Variants in PRKAR2A observed in about 807,000 individuals in gnomAD.
PRKAR2A encodes cAMP-dependent protein kinase type II-alpha regulatory subunit.
In PRKAR2A, 29 loss-of-function variants were observed where a neutral mutation model predicts 51.9. The observed-to-expected ratio is 0.56, with a 90% CI of 0.42 to 0.76. PRKAR2A has a LOEUF of 0.76. PRKAR2A is among the 30% of genes least tolerant of loss of function. PRKAR2A has a pLI of 0.00. For synonymous variants in PRKAR2A, 178 were observed against 186.2 expected (o/e 0.96, Z 0.36); for missense variants, 445 against 512.1 (o/e 0.87, Z 1.26).
chr3:48,838,614 AAAAAAGAAAAAAG>A (rs542619375), intron 1 of PRKAR2A, among the ~76,000 whole-genome samples: 2,005 of 151,900 alleles, frequency 0.013, 36 homozygotes, highest in Non-Finnish European at 0.014. Flanking sequence ...CTTTAAAAAA[AAAAAAGAAAAAAG>A]AAAAGAAAAA....
chr3:48,803,727 A>T (rs1038471473), intron 2 of PRKAR2A, among the ~76,000 whole-genome samples: 3 of 152,132 alleles, frequency 2.0e-5, no homozygotes, highest in Non-Finnish European at 4.4e-5. Context: ...TGCCTGGCCT[A>T]AAATTTATTT....
chr3:48,755,701 G>C (rs1337456178), intron 9 of PRKAR2A, among the ~76,000 whole-genome samples: 3 of 150,148 alleles, frequency 2.0e-5, no homozygotes, highest in African/African-American at 7.4e-5. Flanking sequence ...TCAATCTCTT[G>C]GGCTCAAGAG....
chr3:48,841,440 A>C (rs912948564), intron 1 of PRKAR2A, among the ~76,000 whole-genome samples: 1 of 149,178 alleles, frequency 6.7e-6, no homozygotes, highest in Non-Finnish European at 1.5e-5. Context: ...AGCTACTCGG[A>C]AGGCTGAGGT....
chr3:48,839,129 A>C (rs969936323), intron 1 of PRKAR2A, among the ~76,000 whole-genome samples: 2 of 151,854 alleles, frequency 1.3e-5, no homozygotes, highest in Non-Finnish European at 2.9e-5. Context: ...CTCTACTAAA[A>C]ACACAAACAT....
intron 8 of PRKAR2A, among the ~76,000 whole-genome samples, chr3:48,762,063 GAAGAA>G (rs2081870207): frequency 6.6e-6 from 1 of 152,142 alleles, no homozygotes; most frequent in Non-Finnish European, 1.5e-5. Context: ...CAACTACAAA[GAAGAA>G]AAGATGATAA....
chr3:48,816,032 A>C (rs989108299), intron 1 of PRKAR2A, among the ~76,000 whole-genome samples: 2 of 151,538 alleles, frequency 1.3e-5, no homozygotes, highest in Non-Finnish European at 2.9e-5. Flanking sequence ...AAAAAAAAAA[A>C]AAAAAAAGAA....
At chr3:48,828,265 T>C (rs79809452) in intron 1 of PRKAR2A, among the ~76,000 whole-genome samples, 2,860 of 152,210 alleles carry the variant, frequency 0.019, 90 homozygotes, top group African/African-American at 0.064. Context: ...ACAGGCGTGA[T>C]CATGGCCCAC....
chr3:48,825,461 G>A (rs911682493), intron 1 of PRKAR2A, among the ~76,000 whole-genome samples: 42 of 152,068 alleles, frequency 2.8e-4, no homozygotes, highest in Admixed American at 2.7e-3. Context: ...GTTGAGTACA[G>A]ACCCTGGCAC....
rs1041896943 is a variant in PRKAR2A at position 48,809,805 on chromosome 3, G to A, written c.263-2121C>T. ...AATGTCAGAGTTACAGAGTATCTGTGAAGTCATCTGGTCTGGCCATGACAA... is the reference window on the plus strand; with the variant it reads ...AATGTCAGAGTTACAGAGTATCTGTAAAGTCATCTGGTCTGGCCATGACAA... On this transcript the variant is annotated intron_variant, in intron 1 of 10. Transcript: ENST00000265563. Among the ~76,000 whole-genome samples the A allele has an allele frequency of 4.1e-4, 63 of 152,080 alleles. 1 individual carries two copies. Among genetic ancestry groups the A allele is most frequent in the Admixed American group, 3.6e-3 (55 of 15,256 alleles).
chr3:48,781,818 G>A (rs1421055920), intron 5 of PRKAR2A, among the ~76,000 whole-genome samples: 1 of 151,666 alleles, frequency 6.6e-6, no homozygotes, highest in African/African-American at 2.4e-5. Flanking sequence ...GCCAATTTTT[G>A]TATTTTTTAA....
intron 5 of PRKAR2A, among the ~76,000 whole-genome samples, chr3:48,777,467 A>G (rs1182785986): frequency 1.3e-5 from 2 of 152,088 alleles, no homozygotes; most frequent in Non-Finnish European, 2.9e-5. Flanking sequence ...GTGCAGTGGC[A>G]TGATCTCGGC....
intron 5 of PRKAR2A, among the ~76,000 whole-genome samples, chr3:48,780,836 T>C (rs935523305): frequency 1.3e-5 from 2 of 152,164 alleles, no homozygotes; most frequent in Non-Finnish European, 2.9e-5. Flanking sequence ...ATACATTAGA[T>C]GTAGTATTGT....
At chr3:48,787,194 T>G (rs1341945191) in intron 4 of PRKAR2A, among the ~76,000 whole-genome samples, 1 of 151,604 alleles carries the variant, frequency 6.6e-6, no homozygotes, top group African/African-American at 2.4e-5. Context: ...ATTTATGTAT[T>G]TATTTAATGA....
intron 1 of PRKAR2A, among the ~76,000 whole-genome samples, chr3:48,827,340 G>GA (rs34473962): frequency 0.023 from 2,770 of 121,338 alleles, 47 homozygotes; most frequent in Middle Eastern, 0.038. Context: ...AGTTTAAGAT[G>GA]AAAAAAAAAA....
chr3:48,757,828 A>C (rs183831075), intron 8 of PRKAR2A, among the ~76,000 whole-genome samples: 1 of 151,248 alleles, frequency 6.6e-6, no homozygotes, highest in African/African-American at 2.4e-5. Flanking sequence ...GGCTGAGGTG[A>C]GTGGATCACC....
chr3:48,758,080 G>GCATA lies in PRKAR2A; in HGVS notation c.874-1640_874-1637dup, dbSNP rs566841574. Among the ~76,000 whole-genome samples the GCATA allele has an allele frequency of 1.7e-3, 255 of 150,798 alleles. 1 individual carries two copies. The highest frequency in any genetic ancestry group is 7.0e-3 in the Middle Eastern group (2 of 286). On this transcript the variant is annotated intron_variant, in intron 8 of 10. Transcript: ENST00000265563. ...TCAAAAATAAATAAAATACATACAT[G>GCATA]CATACATACATACATACATACACAA...
chr3:48,823,100 C>G (rs1364862362), intron 1 of PRKAR2A, among the ~76,000 whole-genome samples: 1 of 151,530 alleles, frequency 6.6e-6, no homozygotes, highest in Non-Finnish European at 1.5e-5. Context: ...GAGACGAGGT[C>G]TCACCATGTT....
At chr3:48,832,124 T>C (rs1245843457) in intron 1 of PRKAR2A, among the ~76,000 whole-genome samples, 2 of 151,754 alleles carry the variant, frequency 1.3e-5, no homozygotes, top group Admixed American at 6.6e-5. Context: ...TGAAACTCCA[T>C]CTCTATTAAA....
At chr3:48,831,770 C>T (rs2083192183) in intron 1 of PRKAR2A, among the ~76,000 whole-genome samples, 2 of 152,000 alleles carry the variant, frequency 1.3e-5, no homozygotes, top group Non-Finnish European at 2.9e-5. Flanking sequence ...GTGTGCACCA[C>T]CACACCTGGC....
Sources: allele counts gnomAD v4.1 joint callset (sites outside exome capture counted in the v4.1 genomes callset), GRCh38; gene constraint gnomAD v4.1.1; transcripts MANE v1.5; gene names NCBI Gene and HGNC (gene_info 2026-07-23, HGNC 2026-07-21).